The following SGMS2 variants were observed in gnomAD, a reference collection of about 807,000 sequenced individuals.
SGMS2 encodes phosphatidylcholine:ceramide cholinephosphotransferase 2.
Under a neutral mutation model 43.8 loss-of-function variants are expected in SGMS2, and 21 were observed. The observed-to-expected ratio is 0.48, with a 90% CI of 0.34 to 0.69. The LOEUF (loss-of-function observed/expected upper bound fraction) is 0.69. Among genes scored for constraint, SGMS2 ranks in the 30% least tolerant of loss-of-function variants. The pLI, the probability that SGMS2 is intolerant of heterozygous loss-of-function variation, is 0.01. For missense variants in SGMS2, 384 were observed against 443.2 expected (o/e 0.87, Z 1.20); for synonymous variants, 167 against 160.6 (o/e 1.04, Z -0.30).
chr4:107,881,900 A>T (rs1269840302), intron 2 of SGMS2, among the ~76,000 whole-genome samples: 1 of 152,182 alleles, frequency 6.6e-6, no homozygotes, highest in Non-Finnish European at 1.5e-5. Flanking sequence ...ATTTCAATTA[A>T]CATAATGTTT....
chr4:107,861,095 T>A (rs1369834613), intron 2 of SGMS2, among the ~76,000 whole-genome samples: 2 of 152,192 alleles, frequency 1.3e-5, no homozygotes, highest in African/African-American at 4.8e-5. Flanking sequence ...CATTCACATA[T>A]CTAATGAAGT....
chr4:107,828,251 A>G (rs888724939), intron 1 of SGMS2, among the ~76,000 whole-genome samples: 2 of 152,162 alleles, frequency 1.3e-5, no homozygotes, highest in Non-Finnish European at 2.9e-5. Flanking sequence ...GCTAACGAGT[A>G]TTGATCTTAC....
intron 5 of SGMS2, among the ~76,000 whole-genome samples, chr4:107,904,718 T>G (rs1731405217): frequency 6.6e-6 from 1 of 152,194 alleles, no homozygotes; most frequent in African/African-American, 2.4e-5. Flanking sequence ...TGGATCTGTC[T>G]CTGCACCATC....
chr4:107,841,853 G>T (rs1726529614), intron 1 of SGMS2, among the ~76,000 whole-genome samples: 1 of 151,962 alleles, frequency 6.6e-6, no homozygotes, highest in African/African-American at 2.4e-5. Flanking sequence ...GTCTTGCACT[G>T]TTGCCCAGGC....
rs1227049815 is a variant in SGMS2 at position 107,912,384 on chromosome 4, T to C, written c.*1831T>C. 6.6e-6 allele frequency: 1 copy of C among 152,192 alleles called. No individual in the cohort carries two copies. Among genetic ancestry groups the C allele is most frequent in the African/African-American group, 2.4e-5 (1 of 41,456 alleles). The allele number at this position is 152,192 out of a possible 1,614,324, so 9.4% of individuals were successfully genotyped here. On this transcript the variant is annotated 3_prime_UTR_variant, in exon 7 of 7. Transcript: ENST00000690982. ...TTATTAAATACACCAATAATAAACA[T>C]ATACTTAGTTTACCTGATGAGTTTA...
At chr4:107,834,761 G>T (rs1177074302) in intron 1 of SGMS2, among the ~76,000 whole-genome samples, 1 of 152,182 alleles carries the variant, frequency 6.6e-6, no homozygotes, top group Non-Finnish European at 1.5e-5. Flanking sequence ...AAGAGGCTGG[G>T]CCCAGTTGCT....
intron 1 of SGMS2, among the ~76,000 whole-genome samples, chr4:107,829,765 G>C (rs1197245637): frequency 6.6e-6 from 1 of 152,064 alleles, no homozygotes; most frequent in Non-Finnish European, 1.5e-5. Flanking sequence ...AATTGAGACA[G>C]AGTCTTGCTA....
At chr4:107,847,789 C>T (rs201669919) in intron 1 of SGMS2, among the ~76,000 whole-genome samples, 4 of 152,034 alleles carry the variant, frequency 2.6e-5, no homozygotes, top group Non-Finnish European at 5.9e-5. Context: ...AATTAATAGG[C>T]GTTTTTTAAA....
intron 2 of SGMS2, among the ~76,000 whole-genome samples, chr4:107,891,316 A>C (rs1730199920): frequency 1.2e-5 from 1 of 85,446 alleles, no homozygotes; most frequent in Non-Finnish European, 2.2e-5. Context: ...ATAAAAAAAA[A>C]CAGTTAAGCA....
At chr4:107,848,288 G>C (rs150487507) in intron 1 of SGMS2, among the ~76,000 whole-genome samples, 5 of 152,228 alleles carry the variant, frequency 3.3e-5, no homozygotes, top group African/African-American at 1.2e-4. Context: ...TGCATTATGT[G>C]ATGTACCGTA....
At chr4:107,869,230 A>G (rs1044018624) in intron 2 of SGMS2, among the ~76,000 whole-genome samples, 1 of 152,192 alleles carries the variant, frequency 6.6e-6, no homozygotes, top group African/African-American at 2.4e-5. Flanking sequence ...CCAGTAGCAC[A>G]TACCAGGGAG....
At chr4:107,831,358 G>T (rs530208447) in intron 1 of SGMS2, among the ~76,000 whole-genome samples, 1 of 152,276 alleles carries the variant, frequency 6.6e-6, no homozygotes, top group South Asian at 2.1e-4. Context: ...GCTTAGGCCG[G>T]CTTGGACCTG....
intron 2 of SGMS2, among the ~76,000 whole-genome samples, chr4:107,859,354 A>C (rs1361765582): frequency 6.6e-6 from 1 of 152,188 alleles, no homozygotes; most frequent in African/African-American, 2.4e-5. Flanking sequence ...ATGTAATCCC[A>C]AATCATTTAA....
At chr4:107,833,409 G>A (rs77976075) in intron 1 of SGMS2, among the ~76,000 whole-genome samples, 6,013 of 152,158 alleles carry the variant, frequency 0.04, 403 homozygotes, top group African/African-American at 0.14. Flanking sequence ...TGAATCTGTT[G>A]TGTTACACAG....
chr4:107,828,683 A>C (rs1725729501), intron 1 of SGMS2, among the ~76,000 whole-genome samples: 1 of 152,222 alleles, frequency 6.6e-6, no homozygotes, highest in African/African-American at 2.4e-5. Flanking sequence ...TTGCATTTTA[A>C]AAAGTGAAAC....
intron 4 of SGMS2, among the ~76,000 whole-genome samples, chr4:107,901,556 T>G (rs1421501451): frequency 6.6e-6 from 1 of 152,226 alleles, no homozygotes. Flanking sequence ...TCACCAGACA[T>G]GCTTACAAGA....
intron 2 of SGMS2, among the ~76,000 whole-genome samples, chr4:107,879,789 T>G (rs1377755146): frequency 6.6e-6 from 1 of 152,102 alleles, no homozygotes; most frequent in Non-Finnish European, 1.5e-5. Context: ...CTTAATTGAG[T>G]GATAACTCAA....
At chr4:107,853,011 T>A (rs1283886422) in intron 1 of SGMS2, among the ~76,000 whole-genome samples, 1 of 152,222 alleles carries the variant, frequency 6.6e-6, no homozygotes, top group Non-Finnish European at 1.5e-5. Context: ...TTATTTTCTT[T>A]TATTGTGAAG....
intron 1 of SGMS2, among the ~76,000 whole-genome samples, chr4:107,857,280 T>G (rs904231316): frequency 5.3e-5 from 8 of 152,174 alleles, no homozygotes; most frequent in African/African-American, 1.9e-4. Context: ...CATTTGGGTT[T>G]TTTCCACTTT....
Sources: allele counts gnomAD v4.1 joint callset (sites outside exome capture counted in the v4.1 genomes callset), GRCh38; gene constraint gnomAD v4.1.1; transcripts MANE v1.5; gene names NCBI Gene and HGNC (gene_info 2026-07-23, HGNC 2026-07-21).